The following GRM7 variants were observed in gnomAD, a reference collection of about 807,000 sequenced individuals.
GRM7 encodes the protein glutamate metabotropic receptor 7.
GRM7 carries 35 observed loss-of-function variants against 84.5 expected under a neutral mutation model. The observed-to-expected ratio is 0.41, with a 90% confidence interval of 0.32 to 0.55. The LOEUF (loss-of-function observed/expected upper bound fraction) is 0.55, where lower values mean the gene tolerates loss of function less well. Among genes scored for constraint, GRM7 ranks in the 20% least tolerant of loss-of-function variants. The probability of loss-of-function intolerance (pLI) is 0.19; values close to 1 mark genes in which losing one functional copy is unlikely to be tolerated. For synonymous variants in GRM7, 487 were observed against 455.1 expected, an observed-to-expected ratio of 1.07 and a Z score of -0.89; for missense variants, 1,003 against 1,194.6, an observed-to-expected ratio of 0.84 and a Z score of 2.36.
At chr3:7,490,543 T>C (rs568384459) in intron 7 of GRM7, among the ~76,000 whole-genome samples, 20 of 152,292 alleles carry the variant, frequency 1.3e-4, no homozygotes, top group Non-Finnish European at 2.8e-4. Context: ...TGTTGAAATA[T>C]CACTTGTTGT....
chr3:7,379,451 T>C (rs967118724), intron 4 of GRM7, among the ~76,000 whole-genome samples: 1 of 152,192 alleles, frequency 6.6e-6, no homozygotes, highest in African/African-American at 2.4e-5. Context: ...AGATGTTTAA[T>C]GACTTGCCTA....
chr3:7,635,120 T>C (rs1698033761), intron 8 of GRM7, among the ~76,000 whole-genome samples: 1 of 152,342 alleles, frequency 6.6e-6, no homozygotes, highest in Admixed American at 6.5e-5. Flanking sequence ...AATGAGGTAC[T>C]TAATTTTAAT....
At chr3:7,654,252 C>T (rs535175262) in intron 8 of GRM7, among the ~76,000 whole-genome samples, 9 of 152,322 alleles carry the variant, frequency 5.9e-5, no homozygotes, top group African/African-American at 2.2e-4. Context: ...GAAAATGCCA[C>T]AGAACCTGGA....
At chr3:7,159,444 G>T (rs1694555185) in intron 2 of GRM7, among the ~76,000 whole-genome samples, 1 of 152,154 alleles carries the variant, frequency 6.6e-6, no homozygotes, top group Non-Finnish European at 1.5e-5. Context: ...AAAGAGATGA[G>T]CCTGGGAGGG....
At chr3:7,292,929 G>C (rs1373369840) in intron 2 of GRM7, among the ~76,000 whole-genome samples, 1 of 151,330 alleles carries the variant, frequency 6.6e-6, no homozygotes, top group African/African-American at 2.4e-5. Flanking sequence ...AGTTGCTCGG[G>C]GGGCCAAGGC....
intron 2 of GRM7, among the ~76,000 whole-genome samples, chr3:7,198,216 G>A (rs1189584110): frequency 6.6e-6 from 1 of 151,822 alleles, no homozygotes; most frequent in Non-Finnish European, 1.5e-5. Flanking sequence ...GATATAATTG[G>A]TCTGGCTATA....
chr3:7,031,055 A>T (rs961308090), intron 1 of GRM7, among the ~76,000 whole-genome samples: 1 of 152,214 alleles, frequency 6.6e-6, no homozygotes, highest in African/African-American at 2.4e-5. Context: ...GCATATTCAT[A>T]AACACTATCA....
intron 8 of GRM7, among the ~76,000 whole-genome samples, chr3:7,616,963 G>A (rs1385275049): frequency 6.6e-6 from 1 of 152,006 alleles, no homozygotes; most frequent in Non-Finnish European, 1.5e-5. Context: ...AAGTTAACCG[G>A]GAAGAAGAAA....
chr3:7,125,990 C>T (rs1474274842), intron 1 of GRM7, among the ~76,000 whole-genome samples: 1 of 152,114 alleles, frequency 6.6e-6, no homozygotes, highest in Non-Finnish European at 1.5e-5. Flanking sequence ...CAGGTGGTTT[C>T]CTAATTATAA....
chr3:6,971,813 A>C (rs184454929), intron 1 of GRM7, among the ~76,000 whole-genome samples: 10 of 152,312 alleles, frequency 6.6e-5, no homozygotes, highest in Admixed American at 6.5e-4. Flanking sequence ...ACATTGAATA[A>C]AATAAAAGAA....
At chr3:7,046,942 A>T (rs1486477067) in intron 1 of GRM7, among the ~76,000 whole-genome samples, 1 of 152,100 alleles carries the variant, frequency 6.6e-6, no homozygotes, top group Non-Finnish European at 1.5e-5. Context: ...ATGAATAAAG[A>T]GTAAATGAAG....
intron 4 of GRM7, among the ~76,000 whole-genome samples, chr3:7,337,277 G>C (rs1387853282): frequency 1.3e-5 from 2 of 151,984 alleles, no homozygotes; most frequent in Non-Finnish European, 2.9e-5. Flanking sequence ...ATGAATCGAA[G>C]ACTTAAATCT....
At chr3:7,178,112 A>G (rs1346245287) in intron 2 of GRM7, among the ~76,000 whole-genome samples, 4 of 152,206 alleles carry the variant, frequency 2.6e-5, no homozygotes, top group Non-Finnish European at 5.9e-5. Context: ...GGTGAAAGCA[A>G]GACTTCTTAA....
At chr3:7,092,042 TCTGTCA>T (rs1698683610) in intron 1 of GRM7, among the ~76,000 whole-genome samples, 1 of 152,164 alleles carries the variant, frequency 6.6e-6, no homozygotes, top group Admixed American at 6.5e-5. Context: ...GGAATCTCAC[TCTGTCA>T]CCCAGGCTGG....
Position 7,271,562 on chromosome 3 carries a change from TAAAAAAAAAAA to T in GRM7, c.737-27109_737-27099del, listed in dbSNP as rs71063298. Among the ~76,000 whole-genome samples, 429 of 88,798 alleles carry T rather than the reference TAAAAAAAAAAA, an allele frequency of 4.8e-3. 2 individuals carry two copies. The highest frequency in any genetic ancestry group is 0.015 in the African/African-American group (348 of 22,658). The allele number at this position is 88,798 out of a possible 152,430, so 58.3% of individuals were successfully genotyped here. On this transcript the variant is annotated intron_variant, in intron 2 of 9. Coordinates refer to ENST00000357716, the MANE Select transcript of GRM7 (RefSeq NM_000844.4). ...CGACAGAGTGAGAGACCGCCTCAAA[TAAAAAAAAAAA>T]AAAAAAAAAAAAGAAATGCAGAATC... is the stretch of plus-strand genomic sequence containing the variant.
intron 7 of GRM7, among the ~76,000 whole-genome samples, chr3:7,471,488 C>A (rs1470127460): frequency 6.6e-6 from 1 of 152,144 alleles, no homozygotes; most frequent in Non-Finnish European, 1.5e-5. Context: ...TGACCTGTGA[C>A]CCCTTTCCTC....
intron 9 of GRM7, chr3:7,690,933 A>G: frequency 3.3e-6 from 1 of 302,910 alleles, no homozygotes; most frequent in South Asian, 2.8e-5. Flanking sequence ...AATCTCCAAA[A>G]TCTTTCTTTC....
chr3:7,425,991 G>A (rs1374959200), intron 5 of GRM7, among the ~76,000 whole-genome samples: 2 of 152,136 alleles, frequency 1.3e-5, no homozygotes, highest in South Asian at 2.1e-4. Flanking sequence ...TGCCAAATAA[G>A]TGTTACTGAG....
chr3:6,884,134 A>G (rs932514410), intron 1 of GRM7: 1 of 152,660 alleles, frequency 6.6e-6, no homozygotes, highest in African/African-American at 2.4e-5. Flanking sequence ...AGTACAATGA[A>G]TGAATCTGGC....
Sources: gnomAD v4.1 joint callset for allele counts (sites outside exome capture counted in the v4.1 genomes callset) on GRCh38, gnomAD v4.1.1 for gene constraint, MANE v1.5 for transcripts, NCBI Gene and HGNC (gene_info 2026-07-23, HGNC 2026-07-21) for gene names.